The following SRPRB variants were observed in gnomAD, a reference collection of about 807,000 sequenced individuals.
The protein encoded by SRPRB is signal recognition particle receptor subunit beta.
A neutral mutation model predicts 31.9 loss-of-function variants in SRPRB; 20 were observed. The observed-to-expected ratio is 0.63, with a 90% CI of 0.44 to 0.91. SRPRB has a LOEUF of 0.91. SRPRB is among the 40% of genes least tolerant of loss of function. The pLI is 0.00. For synonymous variants in SRPRB, 146 were observed against 132.8 expected (o/e 1.10, Z -0.68); for missense variants, 321 against 324.9 (o/e 0.99, Z 0.09).
At chr3:133,809,010 G>C (rs946364147) in intron 3 of SRPRB, among the ~76,000 whole-genome samples, 2 of 151,638 alleles carry the variant, frequency 1.3e-5, no homozygotes, top group Non-Finnish European at 2.9e-5. Flanking sequence ...GTTTGTTTTT[G>C]AGACAGGAGT....
downstream of SRPRB, chr3:133,824,741 TCTCA>T (rs1935529566): frequency 6.6e-6 from 1 of 152,026 alleles, no homozygotes; most frequent in Non-Finnish European, 1.5e-5. Context: ...CCACCAATAT[TCTCA>T]CTCATATGCT....
At chr3:133,801,730 C>T (rs1559888436), upstream of SRPRB, among the ~76,000 whole-genome samples, 3 of 152,018 alleles carry the variant, frequency 2.0e-5, no homozygotes, top group East Asian at 1.9e-4. Context: ...GGGGTGTGTG[C>T]GTGTGTTTTG....
At chr3:133,807,163 A>G (rs1935177446) in intron 2 of SRPRB, among the ~76,000 whole-genome samples, 3 of 151,590 alleles carry the variant, frequency 2.0e-5, no homozygotes, top group African/African-American at 7.3e-5. Context: ...GTGTATTTTA[A>G]TGTGGTGAAT....
intron 3 of SRPRB, among the ~76,000 whole-genome samples, chr3:133,808,468 A>G (rs1003878515): frequency 1.3e-5 from 2 of 152,220 alleles, no homozygotes; most frequent in Non-Finnish European, 2.9e-5. Context: ...TTGCTATACC[A>G]TAAAATTAAA....
chr3:133,794,195 T>G (rs1687701623), intron 1 of SRPRB: 1 of 152,108 alleles, frequency 6.6e-6, no homozygotes. Context: ...CGTTAAAGCT[T>G]TTGTTAGTAA....
chr3:133,818,200 G>A (rs1230609752), intron 6 of SRPRB, among the ~76,000 whole-genome samples: 1 of 152,164 alleles, frequency 6.6e-6, no homozygotes, highest in Non-Finnish European at 1.5e-5. Context: ...GTTGGGAATT[G>A]TTTTGGGGAA....
At chr3:133,825,454 G>C (rs1935545582), downstream of SRPRB, 1 of 152,206 alleles carries the variant, frequency 6.6e-6, no homozygotes, top group African/African-American at 2.4e-5. Flanking sequence ...GAATGTTTAA[G>C]GATGACAAGA....
chr3:133,801,999 G>A (rs1279066522), upstream of SRPRB, among the ~76,000 whole-genome samples: 6 of 152,122 alleles, frequency 3.9e-5, no homozygotes, highest in Non-Finnish European at 5.9e-5. Context: ...CAATTGCCTG[G>A]GATGAAGTCC....
intron 1 of SRPRB, chr3:133,785,332 C>T (rs1934640992): frequency 3.6e-5 from 4 of 112,226 alleles, no homozygotes; most frequent in East Asian, 3.2e-4. Context: ...CCAGCCGCCC[C>T]ATCCGGGAGG....
rs76635982 is a variant in SRPRB at position 133,806,893 on chromosome 3, C to CT, written c.249+200dup. On this transcript the variant is annotated intron_variant, in intron 2 of 6. Transcript: ENST00000678299. ...AATTGAGAAATATTGGTCATTTCTCCTTTTTTTTTTCTGTTTGCCCTTGCC... is the reference window on the plus strand; with the variant it reads ...AATTGAGAAATATTGGTCATTTCTCCTTTTTTTTTTTCTGTTTGCCCTTGCC... 3.6e-3 allele frequency among the ~76,000 whole-genome samples: 533 copies of CT among 148,786 alleles called. 6 individuals are homozygous for CT. The East Asian group carries it at 0.04, about 11-fold the overall frequency.
chr3:133,799,901 C>T (rs902391136), intron 1 of SRPRB, among the ~76,000 whole-genome samples: 1 of 152,166 alleles, frequency 6.6e-6, no homozygotes, highest in African/African-American at 2.4e-5. Context: ...CACCATGGTT[C>T]CTCTTCTCAT....
chr3:133,813,898 C>T (rs536958635), intron 4 of SRPRB, among the ~76,000 whole-genome samples: 52 of 152,320 alleles, frequency 3.4e-4, no homozygotes, highest in African/African-American at 1.2e-3. Context: ...TAAGCCTTTC[C>T]CCTTGGGGGT....
intron 3 of SRPRB, among the ~76,000 whole-genome samples, chr3:133,809,203 G>T (rs1935215712): frequency 6.6e-6 from 1 of 152,044 alleles, no homozygotes; most frequent in African/African-American, 2.4e-5. Flanking sequence ...ATGTTGGCCA[G>T]GCTGGTCTTG....
intron 3 of SRPRB, 25 bp from the exon 4 acceptor site, chr3:133,811,092 T>C: frequency 6.2e-7 from 1 of 1,612,380 alleles, no homozygotes; most frequent in East Asian, 2.2e-5. Flanking sequence ...TATTGAAACG[T>C]TAATGTTATT....
At chr3:133,784,285 C>G (rs963595810) in intron 1 of SRPRB, 1 of 152,054 alleles carries the variant, frequency 6.6e-6, no homozygotes, top group African/African-American at 2.4e-5. Context: ...GCCCACCACC[C>G]TTTAGGAAGA....
chr3:133,797,435 A>G (rs995372004), intron 1 of SRPRB, among the ~76,000 whole-genome samples: 1 of 152,204 alleles, frequency 6.6e-6, no homozygotes, highest in Non-Finnish European at 1.5e-5. Flanking sequence ...ATTCAATGCT[A>G]CTGTGTATAA....
intron 6 of SRPRB, among the ~76,000 whole-genome samples, chr3:133,818,372 C>A (rs1346851783): frequency 1.3e-5 from 2 of 152,108 alleles, no homozygotes; most frequent in South Asian, 4.1e-4. Context: ...TTTTTAAAAG[C>A]ATTGAAAGGC....
chr3:133,816,086 G>A (rs1033476590), intron 5 of SRPRB, among the ~76,000 whole-genome samples: 1 of 152,184 alleles, frequency 6.6e-6, no homozygotes, highest in African/African-American at 2.4e-5. Context: ...CAAGTTTACT[G>A]TACAGCACAT....
chr3:133,811,027 C>T, intron 3 of SRPRB, 90 bp from the exon 4 acceptor site: 1 of 1,196,482 alleles, frequency 8.4e-7, no homozygotes, highest in East Asian at 2.5e-5. Context: ...TAATTAGGTA[C>T]CAGTTTGGTA....
Sources: gnomAD v4.1 joint callset for allele counts (sites outside exome capture counted in the v4.1 genomes callset) on GRCh38, gnomAD v4.1.1 for gene constraint, MANE v1.5 for transcripts, NCBI Gene and HGNC (gene_info 2026-07-23, HGNC 2026-07-21) for gene names.